OR10H5: variants seen among roughly 807,000 people sequenced by gnomAD.
OR10H5 encodes olfactory receptor 10H5.
Under a neutral mutation model 12.2 loss-of-function variants are expected in OR10H5, and 7 were observed. The ratio of observed to expected loss-of-function variants is 0.57; its 90% CI spans 0.33 to 1.07. The LOEUF is 1.07. OR10H5 is among the 50% of genes least tolerant of loss of function. The pLI is 0.04. For synonymous variants in OR10H5, 159 were observed against 175.1 expected (o/e 0.91, Z 0.73); for missense variants, 346 against 411.6 (o/e 0.84, Z 1.38).
In OR10H5 at chr19:15,794,514, G is replaced by C; in HGVS notation, c.466G>C (p.Gly156Arg). 2 of 1,614,240 alleles carry C rather than the reference G, an allele frequency of 1.2e-6. No homozygotes were observed. Among genetic ancestry groups the C allele is most frequent in the East Asian group, 2.2e-5 (1 of 44,880 alleles). ...GCSWAGGLVM[G>R]MVVTSAIFHL... Reference sequence around the variant, plus strand: ...CTCCTGGGCTGGTGGCTTGGTCATGGGGATGGTGGTGACCTCGGCCATTTT... The same window carrying C: ...CTCCTGGGCTGGTGGCTTGGTCATGCGGATGGTGGTGACCTCGGCCATTTT... The change falls in exon 2 of 2, where the codon GGG becomes CGG. Residue 156 changes from glycine (G) to arginine (R), a missense_variant. Transcript: ENST00000642092.
At chr19:15,792,022 G>A (rs2088811741) in intron 1 of OR10H5, among the ~76,000 whole-genome samples, 1 of 26,522 alleles carries the variant, frequency 3.8e-5, no homozygotes, top group African/African-American at 1.3e-4. Context: ...GTGACACTTG[G>A]TCTCAAAAAA....
intron 1 of OR10H5, among the ~76,000 whole-genome samples, chr19:15,791,534 T>C (rs567531991): frequency 1.3e-5 from 2 of 152,072 alleles, no homozygotes; most frequent in African/African-American, 2.4e-5. Context: ...TATTTTATCA[T>C]CCTTATTTGA....
In OR10H5 at chr19:15,799,857, G is replaced by A. The variant is rs1189243426; in HGVS notation, c.*4861G>A. On this transcript the variant is annotated 3_prime_UTR_variant, in exon 2 of 2. Transcript: ENST00000642092. ...CCTGGAATTACAGGCGTGCCACCAT[G>A]CCTGGCTAAATTTTTTTTGTGTTTT... is the stretch of plus-strand genomic sequence containing the variant. The A allele has an allele frequency of 6.6e-6, 1 of 151,938 alleles. No individual in the cohort carries two copies. Among genetic ancestry groups the A allele is most frequent in the African/African-American group, 2.4e-5 (1 of 41,330 alleles). The allele number at this position is 151,938 out of a possible 1,614,324, so 9.4% of individuals were successfully genotyped here.
At chr19:15,790,337 G>A (rs1377375288) in intron 1 of OR10H5, among the ~76,000 whole-genome samples, 3 of 152,200 alleles carry the variant, frequency 2.0e-5, no homozygotes, top group African/African-American at 7.2e-5. Context: ...CAGCAATGAT[G>A]ACAGAGATGA....
chr19:15,794,242 C>A lies in OR10H5; in HGVS notation c.194C>A (p.Ala65Asp), dbSNP rs781047992. The A allele has an allele frequency of 3.1e-6, 5 of 1,612,640 alleles. No homozygotes were observed. The highest frequency in any genetic ancestry group is 4.2e-6 in the Non-Finnish European group (5 of 1,179,544). The change falls in exon 2 of 2, where the codon GCC (alanine) becomes GAC (aspartate). Residue 65 changes from alanine (A) to aspartate (D), a missense_variant. Coordinates refer to ENST00000642092, the MANE Select transcript of OR10H5 (RefSeq NM_001004466.2). ...ATGCCCATGTACCTCTTCCTGTGTGCCCTCTCCATCACCGAGATCCTCTAC... is the reference window on the plus strand; with the variant it reads ...ATGCCCATGTACCTCTTCCTGTGTGACCTCTCCATCACCGAGATCCTCTAC... Reference protein sequence around the residue: ...LHMPMYLFLCALSITEILYTV... With the variant: ...LHMPMYLFLCDLSITEILYTV...
rs55908984 is a variant in OR10H5, at chr19:15,800,007, T to C, written c.*5011T>C. 0.081 allele frequency: 12,274 copies of C among 152,174 alleles called. 570 individuals are homozygous for C. The highest frequency in any genetic ancestry group is 0.12 in the Middle Eastern group (35 of 294). 9.4% of individuals were successfully genotyped at this position (152,174 alleles called of 1,614,324 possible). On this transcript the variant is annotated 3_prime_UTR_variant, in exon 2 of 2. Coordinates refer to ENST00000642092, the MANE Select transcript of OR10H5 (RefSeq NM_001004466.2). ...GCATGAGCCACCACGCCTGGCCCCT[T>C]GCATCTACTCTTGCTTTTGCCTGTA...
At position 15,796,911 on chromosome 19, in the gene OR10H5, G is replaced by A. The variant is rs1278816168; in HGVS notation, c.*1915G>A. 2 of 152,152 alleles carry A rather than the reference G, an allele frequency of 1.3e-5. No homozygotes were observed. Among genetic ancestry groups the A allele is most frequent in the African/African-American group, 4.8e-5 (2 of 41,524 alleles). The allele number at this position is 152,152 out of a possible 1,614,324, so 9.4% of individuals were successfully genotyped here. A position where few individuals can be genotyped will look rare whatever the true frequency, so the allele number is the denominator to read the frequency against. ...GAGGCTGAGGTGGGTGGATCACGAG[G>A]TCAGGAGTTTGAGACCAGCCTGACC... On this transcript the variant is annotated 3_prime_UTR_variant, in exon 2 of 2. Transcript: ENST00000642092.
At chr19:15,789,786 C>CTTTTTT (rs11395185) in intron 1 of OR10H5, among the ~76,000 whole-genome samples, 4 of 137,642 alleles carry the variant, frequency 2.9e-5, no homozygotes, top group Middle Eastern at 3.7e-3. Flanking sequence ...CTTTTCTTTT[C>CTTTTTT]TTTTTTTTTT....
Position 15,795,027 on chromosome 19 carries a change from G to T in OR10H5, c.*31G>T. 1.3e-6 allele frequency: 2 copies of T among 1,586,654 alleles called. No homozygotes were observed. The highest frequency in any genetic ancestry group is 1.1e-5 in the South Asian group (1 of 88,986). ...CTGACTTTCTCTCAAGAGATGTAGCGAATGGGAACACTTTAGTCTTCCTCC... is the reference window on the plus strand; with the variant it reads ...CTGACTTTCTCTCAAGAGATGTAGCTAATGGGAACACTTTAGTCTTCCTCC... On this transcript the variant is annotated 3_prime_UTR_variant, in exon 2 of 2. Coordinates refer to ENST00000642092, the MANE Select transcript of OR10H5 (RefSeq NM_001004466.2).
rs1177587002 is a variant in OR10H5, at chr19:15,797,229, G to A, written c.*2233G>A. ...TATAAAATGTAAAGGGATCCCAAAT[G>A]TTAAACTTCCACCCCCATCACCTCG... On this transcript the variant is annotated 3_prime_UTR_variant, in exon 2 of 2. Transcript: ENST00000642092. The A allele has an allele frequency of 6.6e-6, 1 of 152,152 alleles. No individual in the cohort carries two copies. The highest frequency in any genetic ancestry group is 1.5e-5 in the Non-Finnish European group (1 of 68,034). 9.4% of individuals were successfully genotyped at this position (152,152 alleles called of 1,614,324 possible).
chr19:15,789,396 T>A (rs1319700875), intron 1 of OR10H5, among the ~76,000 whole-genome samples: 1 of 152,132 alleles, frequency 6.6e-6, no homozygotes, highest in Non-Finnish European at 1.5e-5. Context: ...CTGGATGAGT[T>A]GAATTGTGTC....
At chr19:15,791,201 C>G (rs548781619) in intron 1 of OR10H5, among the ~76,000 whole-genome samples, 3 of 152,092 alleles carry the variant, frequency 2.0e-5, no homozygotes, top group Non-Finnish European at 2.9e-5. Context: ...CAAAAATTAG[C>G]CAGGTGTGGT....
rs1038620071 is a variant in OR10H5, at chr19:15,796,507, A to G, written c.*1511A>G. ...CAGTGCCTCACACCTGTAATTCCAA[A>G]ATTTGGGGAGGCCGTGACAGGAGGA... On this transcript the variant is annotated 3_prime_UTR_variant, in exon 2 of 2. Coordinates refer to ENST00000642092, the MANE Select transcript of OR10H5 (RefSeq NM_001004466.2). The G allele has an allele frequency of 6.6e-6, 1 of 152,140 alleles. No homozygotes were observed. The highest frequency in any genetic ancestry group is 2.4e-5 in the African/African-American group (1 of 41,424). 9.4% of individuals were successfully genotyped at this position (152,140 alleles called of 1,614,324 possible).
intron 1 of OR10H5, among the ~76,000 whole-genome samples, chr19:15,792,426 A>T (rs1004206669): frequency 1.1e-4 from 17 of 152,134 alleles, no homozygotes; most frequent in African/African-American, 3.9e-4. Flanking sequence ...AGAGAACTTT[A>T]GTCTGACCAT....
chr19:15,795,455 A>G lies in OR10H5; in HGVS notation c.*459A>G, dbSNP rs62106067. The G allele has an allele frequency of 0.077, 12,769 of 166,516 alleles. 585 individuals are homozygous for G. Among genetic ancestry groups the G allele is most frequent in the Middle Eastern group, 0.11 (36 of 324 alleles). The allele number at this position is 166,516 out of a possible 1,614,324, so 10.3% of individuals were successfully genotyped here. A position where few individuals can be genotyped will look rare whatever the true frequency, so the allele number is the denominator to read the frequency against. Reference sequence around the variant, plus strand: ...ATTCTCCTGCCTCAGCCTCCCGACTAGCTGGGATTACAGGCACACACCACC... The same window carrying G: ...ATTCTCCTGCCTCAGCCTCCCGACTGGCTGGGATTACAGGCACACACCACC... On this transcript the variant is annotated 3_prime_UTR_variant, in exon 2 of 2. Transcript: ENST00000642092.
Position 15,793,007 on chromosome 19 carries a change from A to T in OR10H5, c.-11-1031A>T, listed in dbSNP as rs1205723914. ...ACCGAGATTTAAAAATAGGAATAAT[A>T]ATTATTATTTTTATCAGTATTACTA... On this transcript the variant is annotated intron_variant, in intron 1 of 1. Coordinates refer to ENST00000642092, the MANE Select transcript of OR10H5 (RefSeq NM_001004466.2). Among the ~76,000 whole-genome samples the T allele has an allele frequency of 2.0e-5, 3 of 152,108 alleles. No individual in the cohort carries two copies. The East Asian group carries it at 5.8e-4, about 29-fold the overall frequency.
intron 1 of OR10H5, among the ~76,000 whole-genome samples, chr19:15,793,717 T>C (rs2144928348): frequency 6.6e-6 from 1 of 152,052 alleles, no homozygotes; most frequent in East Asian, 1.9e-4. Flanking sequence ...CCATCTCTAC[T>C]AAAAATACAA....
At chr19:15,789,866 C>T (rs888061233) in intron 1 of OR10H5, among the ~76,000 whole-genome samples, 14 of 150,554 alleles carry the variant, frequency 9.3e-5, no homozygotes, top group African/African-American at 2.9e-4. Context: ...ACTGCAGCCT[C>T]GAATTCCTGT....
Position 15,794,069 on chromosome 19 carries a change from CT to C in OR10H5, c.22del (p.Ser8ProfsTer18). The C allele has an allele frequency of 6.2e-7, 1 of 1,613,766 alleles. No homozygotes were observed. Among genetic ancestry groups the C allele is most frequent in the Non-Finnish European group, 8.5e-7 (1 of 1,179,892 alleles). On this transcript the variant is annotated frameshift_variant, in exon 2 of 2. Coordinates refer to ENST00000642092, the MANE Select transcript of OR10H5 (RefSeq NM_001004466.2). LOFTEE classifies it high-confidence loss of function. MQGLNHT[S>X]VSEFILVGFS... is the part of the protein sequence containing the mutation. ...CCGCCATGCAGGGGCTAAACCACAC[CT>C]CCGTGTCTGAATTCATCCTCGTTGG...
Sources: allele counts gnomAD v4.1 joint callset (sites outside exome capture counted in the v4.1 genomes callset), GRCh38; gene constraint gnomAD v4.1.1; transcripts MANE v1.5; gene names NCBI Gene and HGNC (gene_info 2026-07-23, HGNC 2026-07-21).